The following CDKAL1 variants were observed in gnomAD, a reference collection of about 807,000 sequenced individuals.
CDKAL1 encodes threonylcarbamoyladenosine tRNA methylthiotransferase.
Under a neutral mutation model 68.2 loss-of-function variants are expected in CDKAL1, and 32 were observed. That is an observed-to-expected ratio of 0.47 (90% CI 0.35 to 0.63). CDKAL1 has a LOEUF of 0.63. Among genes scored for constraint, CDKAL1 ranks in the 30% least tolerant of loss-of-function variants. The pLI is 0.00. For synonymous variants in CDKAL1, 234 were observed against 244.3 expected, an observed-to-expected ratio of 0.96 and a Z score of 0.39; for missense variants, 606 against 696.7, an observed-to-expected ratio of 0.87 and a Z score of 1.47.
At chr6:20,752,326 T>C (rs1345988194) in intron 6 of CDKAL1, among the ~76,000 whole-genome samples, 10 of 152,182 alleles carry the variant, frequency 6.6e-5, no homozygotes, top group Admixed American at 6.5e-4. Flanking sequence ...TAAATTATCA[T>C]GTGTTGGCAA....
At chr6:20,907,823 C>G (rs1762298435) in intron 9 of CDKAL1, among the ~76,000 whole-genome samples, 1 of 152,166 alleles carries the variant, frequency 6.6e-6, no homozygotes, top group African/African-American at 2.4e-5. Flanking sequence ...GAGCATGCCT[C>G]TGTGTGGCAG....
intron 13 of CDKAL1, among the ~76,000 whole-genome samples, chr6:21,182,751 A>C (rs1483307135): frequency 6.6e-6 from 1 of 152,238 alleles, no homozygotes; most frequent in African/African-American, 2.4e-5. Context: ...AAAAACATTA[A>C]GAAAGGCATA....
intron 4 of CDKAL1, 69 bp downstream of exon 4, chr6:20,548,774 T>G: frequency 1.4e-6 from 1 of 704,746 alleles, no homozygotes; most frequent in Admixed American, 2.6e-5. Context: ...ATAAATAGCC[T>G]AGCAGTTAAA....
chr6:21,108,366 T>C, intron 12 of CDKAL1, 35 bp from the exon 13 acceptor site: 1 of 1,440,884 alleles, frequency 6.9e-7, no homozygotes, highest in Non-Finnish European at 9.7e-7. Context: ...ATTGTTTGTA[T>C]GTTGGTTTTT....
chr6:20,718,592 T>C (rs1772199783), intron 5 of CDKAL1, among the ~76,000 whole-genome samples: 1 of 152,228 alleles, frequency 6.6e-6, no homozygotes, highest in African/African-American at 2.4e-5. Context: ...TTATTATTCT[T>C]CTAACTTTTT....
At position 21,205,721 on chromosome 6, in the gene CDKAL1, C is replaced by T. The variant is rs138311792; in HGVS notation, c.1548+4447C>T. On this transcript the variant is annotated intron_variant, in intron 15 of 15. Transcript: ENST00000274695. Reference sequence around the variant, plus strand: ...AATTGTTTTGTATTTTTAGTAGAGACGGGGTTTCACTGTGTTAGCCAGGAT... The same window carrying T: ...AATTGTTTTGTATTTTTAGTAGAGATGGGGTTTCACTGTGTTAGCCAGGAT... 6.2e-3 allele frequency among the ~76,000 whole-genome samples: 921 copies of T among 149,676 alleles called. 9 individuals carry two copies. The highest frequency in any genetic ancestry group is 0.019 in the African/African-American group (773 of 40,570).
chr6:20,713,493 TC>T (rs1385720151), intron 5 of CDKAL1, among the ~76,000 whole-genome samples: 1 of 152,170 alleles, frequency 6.6e-6, no homozygotes, highest in Non-Finnish European at 1.5e-5. Flanking sequence ...AGACTGATAT[TC>T]TTTTTTCATA....
chr6:21,127,773 AGAGG>A (rs1775091819), intron 13 of CDKAL1, among the ~76,000 whole-genome samples: 1 of 152,144 alleles, frequency 6.6e-6, no homozygotes, highest in Non-Finnish European at 1.5e-5. Flanking sequence ...AGGGAGGGAG[AGAGG>A]GAGGAAAGAG....
chr6:20,814,473 T>G (rs867816375), intron 8 of CDKAL1, among the ~76,000 whole-genome samples: 22 of 152,234 alleles, frequency 1.4e-4, no homozygotes, highest in Admixed American at 1.3e-3. Flanking sequence ...AGAGATGGAG[T>G]TTCACCATGT....
chr6:21,064,162 A>G (rs1224468203), intron 11 of CDKAL1, among the ~76,000 whole-genome samples: 1 of 152,232 alleles, frequency 6.6e-6, no homozygotes, highest in Non-Finnish European at 1.5e-5. Flanking sequence ...AATGTCGGTC[A>G]GTTGCGTGGC....
Position 20,722,970 on chromosome 6 carries a change from A to G in CDKAL1, c.372-16549A>G, listed in dbSNP as rs140269324. Reference sequence around the variant, plus strand: ...TGCTGAGAGCTGTTTTCATTGCTCAATAAAATTTTCCATCTTCACCATCCT... The same window carrying G: ...TGCTGAGAGCTGTTTTCATTGCTCAGTAAAATTTTCCATCTTCACCATCCT... On this transcript the variant is annotated intron_variant, in intron 5 of 15. Transcript: ENST00000274695. 3.6e-3 allele frequency among the ~76,000 whole-genome samples: 553 copies of G among 152,232 alleles called. 6 individuals carry two copies. The highest frequency in any genetic ancestry group is 0.012 in the African/African-American group (502 of 41,534).
intron 11 of CDKAL1, among the ~76,000 whole-genome samples, chr6:21,020,696 A>G (rs965270087): frequency 2.7e-5 from 4 of 150,278 alleles, no homozygotes; most frequent in Admixed American, 6.6e-5. Context: ...CAGACTCCCT[A>G]CCTCAGGTGA....
At chr6:21,112,525 T>C (rs539281101) in intron 13 of CDKAL1, among the ~76,000 whole-genome samples, 1 of 152,364 alleles carries the variant, frequency 6.6e-6, no homozygotes, top group East Asian at 1.9e-4. Context: ...TAGTAATTTT[T>C]CTGCATATAC....
chr6:21,174,610 A>G lies in CDKAL1; in HGVS notation c.1300-23411A>G, dbSNP rs1204920616. 2.6e-5 allele frequency among the ~76,000 whole-genome samples: 4 copies of G among 152,272 alleles called. No homozygotes were observed. In the South Asian group the frequency reaches 8.3e-4, roughly 32 times the overall value. On this transcript the variant is annotated intron_variant, in intron 13 of 15. Coordinates refer to ENST00000274695, the MANE Select transcript of CDKAL1 (RefSeq NM_017774.3). ...TCAACAATTAAAAAATGTTATATAC[A>G]GTATTGTTGGGTGTAGGTAAGAAAA... is the stretch of plus-strand genomic sequence containing the variant.
rs150890019 is a variant in CDKAL1, at chr6:21,103,498, A to G, written c.1237-4903A>G. The stretch of plus-strand genomic sequence containing the variant: ...GGAGAGTGGAATATAAAAGCAATTT[A>G]TGAAGTGCCTGTAAGATGAAGATTA... On this transcript the variant is annotated intron_variant, in intron 12 of 15. Transcript: ENST00000274695. 3.0e-4 allele frequency among the ~76,000 whole-genome samples: 46 copies of G among 152,242 alleles called. No homozygotes were observed. In the East Asian group the frequency reaches 8.9e-3, roughly 29 times the overall value.
intron 4 of CDKAL1, among the ~76,000 whole-genome samples, chr6:20,549,984 A>ATT (rs762528922): frequency 7.1e-6 from 1 of 141,270 alleles, no homozygotes; most frequent in African/African-American, 2.6e-5. Flanking sequence ...TAATTAATTA[A>ATT]ATTTTTTTTT....
intron 11 of CDKAL1, among the ~76,000 whole-genome samples, chr6:21,036,214 T>A (rs1299253903): frequency 6.6e-6 from 1 of 152,154 alleles, no homozygotes; most frequent in African/African-American, 2.4e-5. Context: ...TCATTTTACA[T>A]AAAAGCAAAT....
intron 9 of CDKAL1, among the ~76,000 whole-genome samples, chr6:20,922,651 G>A (rs1373084369): frequency 1.3e-5 from 2 of 152,154 alleles, no homozygotes; most frequent in Admixed American, 6.6e-5. Flanking sequence ...CGACTCGTGT[G>A]TTTCACCCAA....
rs1004620262 is a variant in CDKAL1 at position 20,866,642 on chromosome 6, A to G, written c.742+20464A>G. On this transcript the variant is annotated intron_variant, in intron 9 of 15. Transcript: ENST00000274695. Reference sequence around the variant, plus strand: ...GGATAGAATCATTAGAGTTGTGTCCATCGTGATTAAATTGGTTAGAAATTT... The same window carrying G: ...GGATAGAATCATTAGAGTTGTGTCCGTCGTGATTAAATTGGTTAGAAATTT... Among the ~76,000 whole-genome samples, 3 of 152,210 alleles carry G rather than the reference A, an allele frequency of 2.0e-5. No individual in the cohort carries two copies. The East Asian group carries it at 5.8e-4, about 29-fold the overall frequency.
Sources: gnomAD v4.1 joint callset for allele counts (sites outside exome capture counted in the v4.1 genomes callset) on GRCh38, gnomAD v4.1.1 for gene constraint, MANE v1.5 for transcripts, NCBI Gene and HGNC (gene_info 2026-07-23, HGNC 2026-07-21) for gene names.